The following KHDRBS2 variants were observed in gnomAD, a reference collection of about 807,000 sequenced individuals.
KHDRBS2 encodes the protein KH domain-containing, RNA-binding, signal transduction-associated protein 2.
Under a neutral mutation model 44.3 loss-of-function variants are expected in KHDRBS2, and 26 were observed. The ratio of observed to expected loss-of-function variants is 0.59; its 90% CI spans 0.43 to 0.81. The LOEUF is 0.81. Among genes scored for constraint, KHDRBS2 ranks in the 40% least tolerant of loss-of-function variants. The pLI is 0.00. For synonymous variants in KHDRBS2, 194 were observed against 151.1 expected (o/e 1.28, Z -2.08); for missense variants, 476 against 433.1 (o/e 1.10, Z -0.88).
rs1562294294 is a variant in KHDRBS2 at position 61,848,511 on chromosome 6, GTATATATGTATATATATATACA to G, written c.810+46102_810+46123del. Among the ~76,000 whole-genome samples, 7 of 30,074 alleles carry G rather than the reference GTATATATGTATATATATATACA, an allele frequency of 2.3e-4. 1 individual carries two copies. Among genetic ancestry groups the G allele is most frequent in the East Asian group, 5.8e-4 (1 of 1,714 alleles). 19.7% of individuals were successfully genotyped at this position (30,074 alleles called of 152,430 possible). On this transcript the variant is annotated intron_variant, in intron 6 of 8. Coordinates refer to ENST00000281156, the MANE Select transcript of KHDRBS2 (RefSeq NM_152688.4). Reference sequence around the variant, plus strand: ...TATATGTATATATATATATATATATGTATATATGTATATATATATACATATATATGTATATATATACATATAT... The same window carrying G: ...TATATGTATATATATATATATATATGTATATATGTATATATATACATATAT...
the KHDRBS2 span, among the ~76,000 whole-genome samples, chr6:61,565,777 T>C: frequency 6.6e-6 from 1 of 152,166 alleles, no homozygotes; most frequent in Admixed American, 6.5e-5. Context: ...GAAAACAGTA[T>C]GAAGATTCAA....
the KHDRBS2 span, chr6:61,630,300 T>C: frequency 6.6e-6 from 1 of 152,194 alleles, no homozygotes; most frequent in Non-Finnish European, 1.5e-5. Context: ...CTGAAGACTA[T>C]CTTTGAATCA....
At chr6:62,157,855 T>A (rs1816794185) in intron 2 of KHDRBS2, among the ~76,000 whole-genome samples, 1 of 152,172 alleles carries the variant, frequency 6.6e-6, no homozygotes, top group Non-Finnish European at 1.5e-5. Flanking sequence ...GATATCAAAG[T>A]AAGATTTATG....
the KHDRBS2 span, among the ~76,000 whole-genome samples, chr6:61,597,901 A>AG: frequency 1.5e-5 from 2 of 136,330 alleles, no homozygotes; most frequent in Non-Finnish European, 3.2e-5. Flanking sequence ...GAAAACATAG[A>AG]GGTTTTTTTT....
intron 2 of KHDRBS2, among the ~76,000 whole-genome samples, chr6:62,083,462 G>A (rs72886108): frequency 0.021 from 3,160 of 152,236 alleles, 39 homozygotes; most frequent in Non-Finnish European, 0.036. Context: ...GTGGGTGCAG[G>A]AGGCTGTCAC....
intron 4 of KHDRBS2, among the ~76,000 whole-genome samples, chr6:61,974,096 TTAA>T (rs1355830341): frequency 6.6e-6 from 1 of 152,198 alleles, no homozygotes; most frequent in Non-Finnish European, 1.5e-5. Flanking sequence ...CAGTCATGAG[TTAA>T]TAATTAAGCA....
In KHDRBS2 at chr6:61,945,100, AAAAAAAAAAAAAGTATAT is replaced by A. The variant is rs1350431527; in HGVS notation, c.483+32948_483+32965del. Among the ~76,000 whole-genome samples the A allele has an allele frequency of 3.0e-4, 16 of 52,476 alleles. 1 individual carries two copies. Among genetic ancestry groups the A allele is most frequent in the South Asian group, 7.6e-4 (1 of 1,316 alleles). The allele number at this position is 52,476 out of a possible 152,430, so 34.4% of individuals were successfully genotyped here. ...AGTGAGACTCTGTCTTAAAAAAAAA[AAAAAAAAAAAAAGTATAT>A]ATATATATATATATATATATATATA... On this transcript the variant is annotated intron_variant, in intron 4 of 8. Coordinates refer to ENST00000281156, the MANE Select transcript of KHDRBS2 (RefSeq NM_152688.4).
At chr6:62,153,987 G>A (rs1815810893) in intron 2 of KHDRBS2, among the ~76,000 whole-genome samples, 1 of 152,138 alleles carries the variant, frequency 6.6e-6, no homozygotes, top group Non-Finnish European at 1.5e-5. Context: ...CTAGAGTCCT[G>A]GGTGTTTGGT....
chr6:62,084,582 G>A (rs1482104128), intron 2 of KHDRBS2, among the ~76,000 whole-genome samples: 2 of 152,070 alleles, frequency 1.3e-5, no homozygotes, highest in African/African-American at 2.4e-5. Flanking sequence ...ATTGTTTATG[G>A]GGCTATCTCA....
At chr6:61,748,116 A>G (rs1486484744) in intron 6 of KHDRBS2, among the ~76,000 whole-genome samples, 1 of 152,022 alleles carries the variant, frequency 6.6e-6, no homozygotes, top group Non-Finnish European at 1.5e-5. Context: ...CAGTCTCCCA[A>G]GTAGCTGCGA....
At chr6:61,720,079 T>C (rs931389041) in intron 7 of KHDRBS2, among the ~76,000 whole-genome samples, 2 of 152,170 alleles carry the variant, frequency 1.3e-5, no homozygotes, top group Non-Finnish European at 2.9e-5. Flanking sequence ...ATTTCCAATT[T>C]CATCCATGTC....
chr6:62,205,174 T>C (rs529483241), intron 1 of KHDRBS2, among the ~76,000 whole-genome samples: 2 of 152,206 alleles, frequency 1.3e-5, no homozygotes, highest in East Asian at 3.9e-4. Context: ...ACCTGGAATT[T>C]AGGGAATTGG....
chr6:61,569,805 G>C, the KHDRBS2 span, among the ~76,000 whole-genome samples: 1 of 152,096 alleles, frequency 6.6e-6, no homozygotes, highest in African/African-American at 2.4e-5. Flanking sequence ...TGGCTGGGTG[G>C]CTAGATTCAA....
chr6:62,201,225 C>A (rs509471), intron 1 of KHDRBS2, among the ~76,000 whole-genome samples: 121,313 of 151,942 alleles, frequency 0.8, 49,061 homozygotes, highest in African/African-American at 0.93. Context: ...CCTAAAACTT[C>A]AAGTATTATT....
chr6:62,238,702 AC>A (rs1834106085), intron 1 of KHDRBS2, among the ~76,000 whole-genome samples: 1 of 151,916 alleles, frequency 6.6e-6, no homozygotes, highest in Admixed American at 6.6e-5. Context: ...ACACACACAC[AC>A]ACACACACAC....
chr6:61,989,925 T>C (rs1409366927), intron 3 of KHDRBS2, among the ~76,000 whole-genome samples: 1 of 151,970 alleles, frequency 6.6e-6, no homozygotes. Flanking sequence ...TGGGGTGGGG[T>C]TGGGGAGGAA....
chr6:62,158,823 C>CT (rs939296983), intron 2 of KHDRBS2, among the ~76,000 whole-genome samples: 15 of 150,830 alleles, frequency 9.9e-5, no homozygotes, highest in Non-Finnish European at 1.6e-4. Flanking sequence ...CATATTCTTG[C>CT]TTTTTTTTTA....
At chr6:61,627,738 T>C in the KHDRBS2 span, among the ~76,000 whole-genome samples, 1 of 152,236 alleles carries the variant, frequency 6.6e-6, no homozygotes, top group Non-Finnish European at 1.5e-5. Context: ...TGGAAGCCTC[T>C]CAGATCTTGC....
intron 2 of KHDRBS2, among the ~76,000 whole-genome samples, chr6:62,127,314 T>C (rs1040310978): frequency 2.6e-5 from 4 of 152,142 alleles, no homozygotes; most frequent in African/African-American, 9.7e-5. Context: ...ATTAGGAGTA[T>C]GGGCTTTCAA....
Sources: gnomAD v4.1 joint callset for allele counts (sites outside exome capture counted in the v4.1 genomes callset) on GRCh38, gnomAD v4.1.1 for gene constraint, MANE v1.5 for transcripts, NCBI Gene and HGNC (gene_info 2026-07-23, HGNC 2026-07-21) for gene names.